The following COL2A1 variants were observed in gnomAD, a reference collection of about 807,000 sequenced individuals.
COL2A1 encodes collagen type II alpha 1 chain.
Under a neutral mutation model 204.5 loss-of-function variants are expected in COL2A1, and 28 were observed. The observed-to-expected ratio is 0.14, with a 90% CI of 0.10 to 0.19. The LOEUF is 0.19. Ranked by LOEUF, COL2A1 falls within the 10% of genes least tolerant of loss-of-function variation. The pLI is 1.00. For missense variants in COL2A1, 1,388 were observed against 2,027.5 expected (o/e 0.68, Z 6.06); for synonymous variants, 708 against 718.7 (o/e 0.99, Z 0.24).
At chr12:47,990,704 C>T (rs1349791186) in intron 16 of COL2A1, among the ~76,000 whole-genome samples, 1 of 152,232 alleles carries the variant, frequency 6.6e-6, no homozygotes, top group Non-Finnish European at 1.5e-5. Context: ...GAGGCTTTTG[C>T]TTACAAAGCA....
Position 47,986,414 on chromosome 12 carries a change from T to A in COL2A1, c.1449A>T (p.Gly483=). The change falls in exon 23 of 54, where the codon GGA becomes GGT. Residue 483 remains glycine, a synonymous_variant. Coordinates refer to ENST00000380518, the MANE Select transcript of COL2A1 (RefSeq NM_001844.5). ...PGPAGPQGAP[G]PAGEEGKRGA... ...CTCTCTTGCCTTCTTCACCAGCGGG[T>A]CCAGGGGCTCCCTGGGGGCCAGCAG... The A allele has an allele frequency of 6.4e-7, 1 of 1,561,592 alleles. No individual in the cohort carries two copies. Among genetic ancestry groups the A allele is most frequent in the Non-Finnish European group, 8.7e-7 (1 of 1,152,640 alleles).
At position 47,995,273 on chromosome 12, in the gene COL2A1, A is replaced by G; in HGVS notation, c.744T>C (p.Pro248=). 6.2e-7 allele frequency: 1 copy of G among 1,613,528 alleles called. No homozygotes were observed. Among genetic ancestry groups the G allele is most frequent in the East Asian group, 2.2e-5 (1 of 44,886 alleles). The change falls in exon 11 of 54, where the codon CCT becomes CCC. Residue 248 remains proline, a synonymous_variant. Transcript: ENST00000380518. Reference sequence around the variant, plus strand: ...TACTCACATCATCACCAGGCTTTCCAGGGGGACCAGGAGGACCACGGGGAC... The same window carrying G: ...TACTCACATCATCACCAGGCTTTCCGGGGGGACCAGGAGGACCACGGGGAC... ...PMGPRGPPGP[P]GKPGDDGEAG... is the part of the protein sequence containing the mutation.
intron 35 of COL2A1, 34 bp downstream of exon 35, chr12:47,982,073 A>G: frequency 6.2e-7 from 1 of 1,602,806 alleles, no homozygotes; most frequent in African/African-American, 1.3e-5. Flanking sequence ...TAGGATCCTA[A>G]TGCCCAGCAG....
chr12:47,976,979 G>T lies in COL2A1; in HGVS notation c.3328-60C>A. 6.5e-7 allele frequency: 1 copy of T among 1,538,004 alleles called. No homozygotes were observed. The highest frequency in any genetic ancestry group is 8.9e-7 in the Non-Finnish European group (1 of 1,128,208). On this transcript the variant is annotated intron_variant, in intron 47 of 53. Transcript: ENST00000380518. The surrounding 1 kb of genome is among the most constrained non-coding windows in gnomAD (Gnocchi z 4.3). ...AGGGCCAGGACAGGAGCCCCCTCCT[G>T]TCCCACCCAAGCTGAGGAATCCCCG...
chr12:47,990,170 T>A (rs1793924), intron 16 of COL2A1, among the ~76,000 whole-genome samples: 75,077 of 151,796 alleles, frequency 0.49, 18,875 homozygotes, highest in East Asian at 0.58. Flanking sequence ...CACCTGGCTA[T>A]TTTTTTTATT....
At chr12:48,001,844 T>C (rs1427631202) in intron 1 of COL2A1, among the ~76,000 whole-genome samples, 1 of 152,190 alleles carries the variant, frequency 6.6e-6, no homozygotes, top group East Asian at 1.9e-4. Context: ...CGGCTGCCGA[T>C]AGCATCCCGG....
intron 35 of COL2A1, 82 bp from the exon 36 acceptor site, chr12:47,981,911 G>A: frequency 6.9e-7 from 1 of 1,443,826 alleles, no homozygotes; most frequent in South Asian, 1.2e-5. Flanking sequence ...CAACCTTGGT[G>A]CGTGCTCCCA....
chr12:47,995,290 C>T lies in COL2A1; in HGVS notation c.727G>A (p.Gly243Ser). Residue 243 changes from glycine to serine, a missense_variant, in exon 11 of 54, where the codon GGT (glycine) becomes AGT (serine). Transcript: ENST00000380518. ...PGVSGPMGPRGPPGPPGKPGD... is the reference protein window; with the variant it reads ...PGVSGPMGPRSPPGPPGKPGD... The stretch of plus-strand genomic sequence containing the variant: ...GGCTTTCCAGGGGGACCAGGAGGAC[C>T]ACGGGGACCCATGGGACCCTACAAA... The T allele has an allele frequency of 6.2e-7, 1 of 1,613,626 alleles. No individual in the cohort carries two copies. The highest frequency in any genetic ancestry group is 8.5e-7 in the Non-Finnish European group (1 of 1,179,562).
Position 48,000,027 on chromosome 12 carries a change from C to T in COL2A1, c.184G>A (p.Val62Ile), listed in dbSNP as rs748537902. The change falls in exon 2 of 54, where the codon GTC (valine) becomes ATC (isoleucine). Residue 62 changes from valine to isoleucine, a missense_variant. This residue lies in a region of COL2A1 where 201 missense variants were observed against 242.4 expected (regional missense o/e 0.83). Transcript: ENST00000380518. ...CRICVCDTGT[V>I]LCDDIICEDV... ...TCACAGATTATGTCGTCGCAGAGGA[C>T]AGTCCCAGTGTCACAGACACAGATC... is the stretch of plus-strand genomic sequence containing the variant. 2.5e-6 allele frequency: 4 copies of T among 1,614,106 alleles called. No homozygotes were observed. The highest frequency in any genetic ancestry group is 1.7e-6 in the Non-Finnish European group (2 of 1,180,010).
chr12:47,986,556 G>GT (rs1349373705), intron 22 of COL2A1, 113 bp from the exon 23 acceptor site: 16 of 765,378 alleles, frequency 2.1e-5, no homozygotes, highest in South Asian at 1.9e-4. Context: ...GCTGGGGGGG[G>GT]GCTTGAGGAC....
intron 16 of COL2A1, 124 bp downstream of exon 16, chr12:47,992,754 G>T: frequency 3.0e-6 from 3 of 1,003,904 alleles, no homozygotes; most frequent in South Asian, 1.4e-5. Flanking sequence ...CACTGGGGGT[G>T]AATTCTTAAG....
At chr12:47,998,822 G>T (rs1189331101) in intron 2 of COL2A1, 4 of 230,032 alleles carry the variant, frequency 1.7e-5, no homozygotes, top group Non-Finnish European at 2.6e-5. Flanking sequence ...CCCAGAGGAA[G>T]AGTTAGGTAC....
At chr12:47,984,767 G>T (rs1448808435) in intron 27 of COL2A1, among the ~76,000 whole-genome samples, 168 bp from the exon 28 acceptor site, 1 of 152,208 alleles carries the variant, frequency 6.6e-6, no homozygotes, top group African/African-American at 2.4e-5. Flanking sequence ...CAACCAGCCT[G>T]CTGGGCACTG....
intron 37 of COL2A1, 43 bp downstream of exon 37, chr12:47,981,300 A>C (rs766953152): frequency 6.2e-7 from 1 of 1,601,336 alleles, no homozygotes; most frequent in Admixed American, 1.7e-5. Context: ...TCTGGTTCCC[A>C]GGGGCCTCGG....
chr12:47,991,957 G>A (rs1939730119), intron 16 of COL2A1, among the ~76,000 whole-genome samples: 1 of 152,194 alleles, frequency 6.6e-6, no homozygotes, highest in Admixed American at 6.5e-5. Context: ...GGAAACTTCT[G>A]CCAAACAGAC....
intron 16 of COL2A1, among the ~76,000 whole-genome samples, chr12:47,990,356 C>T (rs1939648040): frequency 6.6e-6 from 1 of 152,202 alleles, no homozygotes; most frequent in East Asian, 1.9e-4. Context: ...TCTTCAACTT[C>T]AGTTCAGACC....
intron 22 of COL2A1, 47 bp downstream of exon 22, chr12:47,986,788 C>T: frequency 6.2e-7 from 1 of 1,610,088 alleles, no homozygotes; most frequent in Non-Finnish European, 8.5e-7. Context: ...GCCTGTGCCT[C>T]ATAGAACAGC....
intron 8 of COL2A1, 117 bp from the exon 9 acceptor site, chr12:47,996,036 A>G: frequency 1.2e-6 from 1 of 801,528 alleles, no homozygotes. Context: ...TCTGTGGGCA[A>G]GGGGCCTAGA....
chr12:48,000,609 A>G (rs1940190262), intron 1 of COL2A1, among the ~76,000 whole-genome samples: 1 of 152,178 alleles, frequency 6.6e-6, no homozygotes, highest in Non-Finnish European at 1.5e-5. Flanking sequence ...TCCTCTGGGA[A>G]TTATGGGATT....
Sources: gnomAD v4.1 joint callset for allele counts (sites outside exome capture counted in the v4.1 genomes callset) on GRCh38, gnomAD v4.1.1 for gene constraint, gnomAD v4.1.1 regional missense constraint, Gnocchi (gnomAD v3.1) non-coding constraint, MANE v1.5 for transcripts, NCBI Gene and HGNC (gene_info 2026-07-23, HGNC 2026-07-21) for gene names.